L3MBTL3: variants seen among roughly 807,000 people sequenced by gnomAD.
The protein encoded by L3MBTL3 is lethal(3)malignant brain tumor-like protein 3.
L3MBTL3 carries 27 observed loss-of-function variants against 102.3 expected under a neutral mutation model. That is an observed-to-expected ratio of 0.26 (90% CI 0.19 to 0.36). The LOEUF (loss-of-function observed/expected upper bound fraction) is 0.36. L3MBTL3 is among the 10% of genes least tolerant of loss of function. The pLI is 1.00. For missense variants in L3MBTL3, 798 were observed against 955.3 expected, an observed-to-expected ratio of 0.84 and a Z score of 2.17; for synonymous variants, 340 against 320.9, an observed-to-expected ratio of 1.06 and a Z score of -0.64.
intron 18 of L3MBTL3, 31 bp from the exon 19 acceptor site, chr6:130,104,395 C>CTT: frequency 3.8e-5 from 51 of 1,333,614 alleles, no homozygotes; most frequent in East Asian, 1.9e-4. Context: ...GTTCAATGTT[C>CTT]TTTTTTTTTT....
At chr6:130,136,601 C>T (rs1787695615) in intron 22 of L3MBTL3, among the ~76,000 whole-genome samples, 1 of 148,636 alleles carries the variant, frequency 6.7e-6, no homozygotes, top group Admixed American at 6.9e-5. Context: ...CTAGTCAGCT[C>T]TGTTTAATCA....
chr6:130,054,486 G>A (rs1781333149), intron 7 of L3MBTL3, among the ~76,000 whole-genome samples: 1 of 152,226 alleles, frequency 6.6e-6, no homozygotes, highest in Non-Finnish European at 1.5e-5. Flanking sequence ...GATGATGGAA[G>A]TCCGTGGATT....
rs144197329 is a variant in L3MBTL3, at chr6:130,049,204, A to G, written c.103-78A>G. ...CATGTAATTAATTTGCTTGAAGACT[A>G]TATGTGTCAGCCATTAAATAATTAA... On this transcript the variant is annotated intron_variant, in intron 3 of 22. Coordinates refer to ENST00000361794, the MANE Select transcript of L3MBTL3 (RefSeq NM_032438.4). The G allele has an allele frequency of 5.4e-4, 428 of 799,228 alleles. No homozygotes were observed. The African/African-American group carries it at 6.0e-3, about 11-fold the overall frequency. The allele number at this position is 799,228 out of a possible 1,614,324, so 49.5% of individuals were successfully genotyped here.
chr6:130,138,879 AAG>A (rs776472362), intron 22 of L3MBTL3, among the ~76,000 whole-genome samples: 2 of 152,164 alleles, frequency 1.3e-5, no homozygotes, highest in Non-Finnish European at 2.9e-5. Flanking sequence ...TTTAACCTAA[AAG>A]ATGTGTTGTA....
chr6:130,108,680 GTATT>G (rs1363323381), intron 19 of L3MBTL3, among the ~76,000 whole-genome samples: 4 of 151,492 alleles, frequency 2.6e-5, no homozygotes, highest in African/African-American at 4.9e-5. Context: ...ATTTTATTTG[GTATT>G]TATTTATTTA....
chr6:130,066,465 G>A lies in L3MBTL3; in HGVS notation c.977G>A (p.Gly326Asp), dbSNP rs747139747. Residue 326 changes from glycine (G) to aspartate (D), a missense_variant, in exon 11 of 23, where the codon GGC becomes GAC. Transcript: ENST00000361794. ...CCAGTTGGGTGGTGTGAGAAAACCG[G>A]CCACAAACTCCATCCTCCAAAAGGT... is the stretch of plus-strand genomic sequence containing the variant. Reference protein sequence around the residue: ...IHPVGWCEKTGHKLHPPKGYK... With the variant: ...IHPVGWCEKTDHKLHPPKGYK... The A allele has an allele frequency of 6.2e-6, 10 of 1,609,964 alleles. No homozygotes were observed. In the South Asian group the frequency reaches 1.1e-4, roughly 18 times the overall value.
chr6:130,048,410 A>G (rs542007337), intron 3 of L3MBTL3, among the ~76,000 whole-genome samples: 7 of 152,344 alleles, frequency 4.6e-5, no homozygotes, highest in African/African-American at 1.7e-4. Flanking sequence ...TGTGTGAGTA[A>G]ACCTCACTGT....
intron 13 of L3MBTL3, among the ~76,000 whole-genome samples, chr6:130,073,625 C>T (rs1039071870): frequency 7.2e-5 from 11 of 151,894 alleles, no homozygotes; most frequent in Admixed American, 2.0e-4. Context: ...ACATAAGATG[C>T]GTTGCCTTTG....
At chr6:130,129,766 G>A (rs570817189) in intron 20 of L3MBTL3, among the ~76,000 whole-genome samples, 1 of 152,250 alleles carries the variant, frequency 6.6e-6, no homozygotes, top group Non-Finnish European at 1.5e-5. Context: ...TTTAGAACAC[G>A]AGGCTCTGTT....
At chr6:130,132,908 A>G (rs1204351802) in intron 20 of L3MBTL3, among the ~76,000 whole-genome samples, 5 of 152,340 alleles carry the variant, frequency 3.3e-5, no homozygotes, top group South Asian at 2.1e-4. Context: ...TTTTATTGCA[A>G]TAATTTCATA....
chr6:130,134,391 T>A (rs1017269489), intron 22 of L3MBTL3, among the ~76,000 whole-genome samples: 3 of 152,200 alleles, frequency 2.0e-5, no homozygotes, highest in Non-Finnish European at 4.4e-5. Context: ...TCCTCAATAA[T>A]GTTTATAATA....
At chr6:130,111,056 C>T (rs1785316424) in intron 19 of L3MBTL3, among the ~76,000 whole-genome samples, 1 of 151,814 alleles carries the variant, frequency 6.6e-6, no homozygotes, top group South Asian at 2.1e-4. Flanking sequence ...TTTTTTAATG[C>T]ACTTTGCCAC....
intron 20 of L3MBTL3, among the ~76,000 whole-genome samples, chr6:130,132,713 C>G (rs1787192119): frequency 6.6e-6 from 1 of 151,870 alleles, no homozygotes; most frequent in Non-Finnish European, 1.5e-5. Flanking sequence ...AGGAAAGCAG[C>G]CATAAAACTA....
At chr6:130,052,765 A>ATT in intron 6 of L3MBTL3, 94 bp from the exon 7 acceptor site, 4 of 1,362,358 alleles carry the variant, frequency 2.9e-6, no homozygotes, top group African/African-American at 1.5e-5. Context: ...TTGCAGGGTG[A>ATT]TTTTTTTTTA....
chr6:130,026,988 A>G (rs910906213), intron 2 of L3MBTL3, among the ~76,000 whole-genome samples: 6 of 152,166 alleles, frequency 3.9e-5, no homozygotes, highest in African/African-American at 1.4e-4. Context: ...AAAGTAAAAG[A>G]TGAAAACAGG....
At position 130,094,385 on chromosome 6, in the gene L3MBTL3, C is replaced by T. The variant is rs570592434; in HGVS notation, c.1736+18C>T. 37 of 1,571,214 alleles carry T rather than the reference C, an allele frequency of 2.4e-5. No homozygotes were observed. Among genetic ancestry groups the T allele is most frequent in the Non-Finnish European group, 2.6e-5 (30 of 1,141,848 alleles). ...CCTCACAGGTATGTGGTAGCTGTCACTCACTTGGTCAGATATAGGTGTTCC... is the reference window on the plus strand; with the variant it reads ...CCTCACAGGTATGTGGTAGCTGTCATTCACTTGGTCAGATATAGGTGTTCC... On this transcript the variant is annotated intron_variant, in intron 18 of 22. Transcript: ENST00000361794.
intron 15 of L3MBTL3, among the ~76,000 whole-genome samples, chr6:130,084,114 T>A (rs958685771): frequency 3.3e-5 from 5 of 152,168 alleles, no homozygotes; most frequent in Middle Eastern, 3.2e-3. Flanking sequence ...CTGGGTTTTT[T>A]AATTTTATTG....
chr6:130,078,207 TAC>T (rs1783081217), intron 13 of L3MBTL3, among the ~76,000 whole-genome samples: 1 of 152,204 alleles, frequency 6.6e-6, no homozygotes, highest in South Asian at 2.1e-4. Context: ...TTTTCCTATG[TAC>T]ACACAGTCTA....
chr6:130,098,863 C>CTTTTTTTTTTTT, intron 18 of L3MBTL3, among the ~76,000 whole-genome samples: 1 of 118,524 alleles, frequency 8.4e-6, no homozygotes. Context: ...GTGTGTTTTT[C>CTTTTTTTTTTTT]TTTTTTTTTT....
Sources: gnomAD v4.1 joint callset for allele counts (sites outside exome capture counted in the v4.1 genomes callset) on GRCh38, gnomAD v4.1.1 for gene constraint, MANE v1.5 for transcripts, NCBI Gene and HGNC (gene_info 2026-07-23, HGNC 2026-07-21) for gene names.